Variants in MED17 observed in about 807,000 individuals in gnomAD.
MED17 encodes mediator complex subunit 17.
MED17 carries 49 observed loss-of-function variants against 80.8 expected under a neutral mutation model. The observed-to-expected ratio is 0.61, with a 90% confidence interval of 0.48 to 0.77. MED17 has a LOEUF of 0.77. Among genes scored for constraint, MED17 ranks in the 30% least tolerant of loss-of-function variants. MED17 has a pLI of 0.00. For synonymous variants in MED17, 281 were observed against 280.4 expected (o/e 1.00, Z -0.02); for missense variants, 718 against 787.0 (o/e 0.91, Z 1.05).
Position 93,797,565 on chromosome 11 carries a change from A to G in MED17, c.1174A>G (p.Met392Val). 1 of 1,614,146 alleles carries G rather than the reference A, an allele frequency of 6.2e-7. No individual in the cohort carries two copies. The highest frequency in any genetic ancestry group is 8.5e-7 in the Non-Finnish European group (1 of 1,179,980). Residue 392 changes from methionine to valine, a missense_variant, in exon 8 of 12, where the codon ATG (methionine) becomes GTG (valine). Physicochemically the swap from Met to Val is conservative, Grantham distance 21. Transcript: ENST00000251871. ...FHKQTLSSIMMPHPASAPFGH... is the reference protein window; with the variant it reads ...FHKQTLSSIMVPHPASAPFGH... ...TAAACAGACCTTGAGTTCCATCATG[A>G]TGCCTCATCCAGCAAGTGCACCTTT...
intron 7 of MED17, 99 bp downstream of exon 7, chr11:93,796,639 A>G (rs1713509182): frequency 1.5e-6 from 2 of 1,335,206 alleles, no homozygotes; most frequent in Admixed American, 1.7e-5. Flanking sequence ...GATTATTCAC[A>G]TAGCAACAAC....
chr11:93,788,197 A>G (rs1430424491), intron 2 of MED17, 30 bp downstream of exon 2: 2 of 1,574,786 alleles, frequency 1.3e-6, no homozygotes, highest in East Asian at 4.6e-5. Context: ...GAATAATAAA[A>G]TTTTATTTAT....
At chr11:93,811,632 G>A (rs776815086) in intron 11 of MED17, 10 of 557,416 alleles carry the variant, frequency 1.8e-5, no homozygotes, top group Non-Finnish European at 3.2e-5. Flanking sequence ...CTTAATCTTT[G>A]TGGTACAAAT....
chr11:93,797,144 A>G (rs1943912674), intron 7 of MED17: 1 of 235,198 alleles, frequency 4.3e-6, no homozygotes, highest in Non-Finnish European at 8.4e-6. Flanking sequence ...CATGCGTTCT[A>G]TTTATGAGAC....
Position 93,788,110 on chromosome 11 carries a change from G to C in MED17, c.360G>C (p.Arg120Ser). Residue 120 changes from arginine to serine, a missense_variant, in exon 2 of 12, where the codon AGG (arginine) becomes AGC (serine). Physicochemically the swap from Arg to Ser is moderately radical, Grantham distance 110. Coordinates refer to ENST00000251871, the MANE Select transcript of MED17 (RefSeq NM_004268.5). ...CVLYDVLSIVRDKKFMTLDPV... is the reference protein window; with the variant it reads ...CVLYDVLSIVSDKKFMTLDPV... ...TCTATGATGTTCTCAGTATTGTTAG[G>C]GATAAAAAATTTATGACTCTTGATC... 9 of 1,613,568 alleles carry C rather than the reference G, an allele frequency of 5.6e-6. No homozygotes were observed. Among genetic ancestry groups the C allele is most frequent in the Non-Finnish European group, 7.6e-6 (9 of 1,179,668 alleles).
intron 1 of MED17, among the ~76,000 whole-genome samples, chr11:93,787,050 CG>C (rs148732324): frequency 0.018 from 2,703 of 151,544 alleles, 32 homozygotes; most frequent in Middle Eastern, 0.061. Context: ...TAAGTGGGGG[CG>C]GGGGAAAGGC....
Position 93,801,955 on chromosome 11 carries a change from C to G in MED17, c.1449C>G (p.Gly483=), listed in dbSNP as rs61754525. ...TGAAAGTTTTAATCACATCACAAGG[C>G]TATGAACAAATATGCAAGTAAGTGG... ...SSVKVLITSQ[G]YEQICKSIQL... Residue 483 remains glycine, a synonymous_variant, in exon 9 of 12, where the codon GGC becomes GGG. Coordinates refer to ENST00000251871, the MANE Select transcript of MED17 (RefSeq NM_004268.5). The G allele has an allele frequency of 6.8e-5, 110 of 1,611,988 alleles. No homozygotes were observed. In the Middle Eastern group the frequency reaches 9.9e-4, roughly 14 times the overall value.
At chr11:93,810,686 C>G (rs922690560) in intron 11 of MED17, 1 of 152,320 alleles carries the variant, frequency 6.6e-6, no homozygotes, top group African/African-American at 2.4e-5. Flanking sequence ...CCACCGCACC[C>G]GGCCGAGGAG....
At chr11:93,785,477 C>T (rs961727021) in intron 1 of MED17, among the ~76,000 whole-genome samples, 1 of 152,004 alleles carries the variant, frequency 6.6e-6, no homozygotes, top group African/African-American at 2.4e-5. Flanking sequence ...TTTAGTTATG[C>T]AGCACACCCA....
intron 9 of MED17, among the ~76,000 whole-genome samples, chr11:93,802,834 G>A (rs1024140586): frequency 6.6e-6 from 1 of 152,166 alleles, no homozygotes; most frequent in African/African-American, 2.4e-5. Flanking sequence ...GGCTTCATAG[G>A]AATGCAGTCT....
intron 4 of MED17, 33 bp downstream of exon 4, chr11:93,793,897 T>TA: frequency 6.2e-7 from 1 of 1,613,338 alleles, no homozygotes. Context: ...AGTAATTTCT[T>TA]ACGAATAGCC....
rs113342266 is a variant in MED17, at chr11:93,796,782, C to G, written c.1143+242C>G. Among the ~76,000 whole-genome samples the G allele has an allele frequency of 5.3e-3, 803 of 152,230 alleles. 9 individuals carry two copies. Among genetic ancestry groups the G allele is most frequent in the African/African-American group, 0.018 (750 of 41,532 alleles). ...GGTTTTCAAGTAGAGGTGTAAGAAACATGATGCTAAAGTGCAGAGGGAAGG... is the reference window on the plus strand; with the variant it reads ...GGTTTTCAAGTAGAGGTGTAAGAAAGATGATGCTAAAGTGCAGAGGGAAGG... On this transcript the variant is annotated intron_variant, in intron 7 of 11. Transcript: ENST00000251871.
At chr11:93,788,515 A>T (rs532291235) in intron 2 of MED17, 1 of 201,166 alleles carries the variant, frequency 5.0e-6, no homozygotes. Flanking sequence ...CCTTGTCTCT[A>T]TTAAAAATAA....
intron 3 of MED17, chr11:93,793,135 T>TTTTTTTTTTA (rs1943858158): frequency 6.9e-6 from 1 of 144,958 alleles, no homozygotes; most frequent in Non-Finnish European, 1.5e-5. Flanking sequence ...TTTTTTTTTT[T>TTTTTTTTTTA]GAGACAGAGT....
chr11:93,804,993 G>A (rs1366706795), intron 9 of MED17, among the ~76,000 whole-genome samples: 4 of 152,188 alleles, frequency 2.6e-5, no homozygotes, highest in Admixed American at 2.0e-4. Context: ...AAAATATGTG[G>A]ATTATTCTGC....
At chr11:93,793,261 A>G (rs1943860819) in intron 3 of MED17, 1 of 174,750 alleles carries the variant, frequency 5.7e-6, no homozygotes, top group Non-Finnish European at 1.2e-5. Context: ...GATTACAGGC[A>G]TGTGCCACCA....
intron 10 of MED17, 173 bp from the exon 11 acceptor site, chr11:93,809,544 T>G (rs1264517946): frequency 6.6e-5 from 45 of 681,470 alleles, no homozygotes; most frequent in East Asian, 2.7e-5. Flanking sequence ...CAGTGGAAGG[T>G]GGAGTCCTAT....
chr11:93,794,050 T>C lies in MED17; in HGVS notation c.859+15T>C, dbSNP rs377765946. ...ATCCAAACCAGGTATGGTTATGTTC[T>C]ATTCTCTAATTTCTGGTCTTATTTG... is the stretch of plus-strand genomic sequence containing the variant. On this transcript the variant is annotated intron_variant, in intron 5 of 11. Coordinates refer to ENST00000251871, the MANE Select transcript of MED17 (RefSeq NM_004268.5). 3.1e-6 allele frequency: 5 copies of C among 1,597,270 alleles called. No individual in the cohort carries two copies. Among genetic ancestry groups the C allele is most frequent in the Non-Finnish European group, 4.3e-6 (5 of 1,164,816 alleles).
intron 8 of MED17, among the ~76,000 whole-genome samples, chr11:93,798,798 T>C (rs1285708336): frequency 3.3e-5 from 5 of 152,216 alleles, no homozygotes; most frequent in African/African-American, 4.8e-5. Context: ...TAAAGCATTA[T>C]ATGATAGGTT....
Sources: allele counts gnomAD v4.1 joint callset (sites outside exome capture counted in the v4.1 genomes callset), GRCh38; gene constraint gnomAD v4.1.1; transcripts MANE v1.5; gene names NCBI Gene and HGNC (gene_info 2026-07-23, HGNC 2026-07-21).